DIS3L2: variants seen among roughly 807,000 people sequenced by gnomAD.
DIS3L2 encodes the protein DIS3-like exonuclease 2.
DIS3L2 carries 34 observed loss-of-function variants against 97.5 expected under a neutral mutation model. The observed-to-expected ratio is 0.35, with a 90% CI of 0.27 to 0.46. The LOEUF (loss-of-function observed/expected upper bound fraction) is 0.46. DIS3L2 is among the 20% of genes least tolerant of loss of function. DIS3L2 has a pLI of 1.00. For synonymous variants in DIS3L2, 435 were observed against 445.2 expected, an observed-to-expected ratio of 0.98 and a Z score of 0.29; for missense variants, 1,038 against 1,146.0, an observed-to-expected ratio of 0.91 and a Z score of 1.36.
rs542923513 is a variant in DIS3L2 at position 232,161,715 on chromosome 2, C to A, written c.951-1744C>A. Reference sequence around the variant, plus strand: ...CAAACTCCTAGCCTCAAGTGATCCACCCGCCTTGGCCTCCCAAAGTGATGG... The same window carrying A: ...CAAACTCCTAGCCTCAAGTGATCCAACCGCCTTGGCCTCCCAAAGTGATGG... On this transcript the variant is annotated intron_variant, in intron 8 of 20. Coordinates refer to ENST00000325385, the MANE Select transcript of DIS3L2 (RefSeq NM_152383.5). Among the ~76,000 whole-genome samples, 11 of 152,210 alleles carry A rather than the reference C, an allele frequency of 7.2e-5. No homozygotes were observed. In the East Asian group the frequency reaches 2.1e-3, roughly 29 times the overall value.
At chr2:231,997,318 T>TAAAATATTTTAA (rs1243573846) in intron 1 of DIS3L2, among the ~76,000 whole-genome samples, 20 of 152,254 alleles carry the variant, frequency 1.3e-4, no homozygotes, top group Non-Finnish European at 2.6e-4. Flanking sequence ...TCAGGACATT[T>TAAAATATTTTAA]AATCTTTTAA....
At chr2:232,109,181 C>T (rs1697447695) in intron 6 of DIS3L2, among the ~76,000 whole-genome samples, 1 of 152,198 alleles carries the variant, frequency 6.6e-6, no homozygotes, top group African/African-American at 2.4e-5. Context: ...GGCGGTGGCT[C>T]ATGCCTGTAA....
intron 8 of DIS3L2, among the ~76,000 whole-genome samples, chr2:232,148,756 T>TTC (rs1284072350): frequency 1.4e-5 from 2 of 146,282 alleles, no homozygotes; most frequent in African/African-American, 5.0e-5. Context: ...TTCTTTTTTT[T>TTC]TTTTTTTTTT....
chr2:232,128,584 A>G (rs1698135011), intron 6 of DIS3L2, among the ~76,000 whole-genome samples: 1 of 146,738 alleles, frequency 6.8e-6, no homozygotes. Context: ...CCTCCTGAGT[A>G]GCTGGGACTA....
chr2:232,332,209 G>C (rs1464586741), intron 16 of DIS3L2, among the ~76,000 whole-genome samples: 3 of 151,368 alleles, frequency 2.0e-5, no homozygotes, highest in Non-Finnish European at 4.4e-5. Flanking sequence ...CCACCACTGA[G>C]AACAAAGCCC....
chr2:232,071,050 G>A (rs527590120), intron 5 of DIS3L2, among the ~76,000 whole-genome samples: 1 of 152,298 alleles, frequency 6.6e-6, no homozygotes, highest in African/African-American at 2.4e-5. Context: ...AGCCAGGTCT[G>A]CATAGAGGAG....
chr2:232,076,583 T>C (rs142402661), intron 5 of DIS3L2, among the ~76,000 whole-genome samples: 453 of 152,346 alleles, frequency 3.0e-3, no homozygotes, highest in African/African-American at 1.0e-2. Flanking sequence ...TGTGAAGTAT[T>C]TTAAGCCTTT....
At chr2:232,343,680 G>C in exon 14 of DIS3L2, 1 of 1,251,764 alleles carries the variant, frequency 8.0e-7, no homozygotes, top group Non-Finnish European at 1.1e-6. Context: ...AGTAGAAAAG[G>C]AGCTGGATGT....
chr2:232,197,963 T>C (rs1691799494), intron 9 of DIS3L2, among the ~76,000 whole-genome samples: 1 of 149,056 alleles, frequency 6.7e-6, no homozygotes, highest in Non-Finnish European at 1.5e-5. Flanking sequence ...AGACTCCATC[T>C]CATTAAAAAA....
intron 12 of DIS3L2, among the ~76,000 whole-genome samples, chr2:232,261,403 A>G (rs961634620): frequency 1.3e-5 from 2 of 152,166 alleles, no homozygotes; most frequent in African/African-American, 4.8e-5. Flanking sequence ...GTTCTTTTGG[A>G]AGTGGTCATC....
intron 6 of DIS3L2, among the ~76,000 whole-genome samples, chr2:232,117,191 G>C (rs1697750919): frequency 6.6e-6 from 1 of 152,136 alleles, no homozygotes; most frequent in Non-Finnish European, 1.5e-5. Context: ...TGGTGTAGTG[G>C]GGCCAGGATC....
rs534280640 is a variant in DIS3L2 at position 232,257,165 on chromosome 2, G to A, written c.1426-6042G>A. ...TTCATGCCTTAATCTTACTGTGTTCGTCTCTCCCTTTTTCAGGGGAAGCCT... is the reference window on the plus strand; with the variant it reads ...TTCATGCCTTAATCTTACTGTGTTCATCTCTCCCTTTTTCAGGGGAAGCCT... On this transcript the variant is annotated intron_variant, in intron 12 of 20. Coordinates refer to ENST00000325385, the MANE Select transcript of DIS3L2 (RefSeq NM_152383.5). Among the ~76,000 whole-genome samples, 68 of 152,234 alleles carry A rather than the reference G, an allele frequency of 4.5e-4. 1 individual carries two copies. The highest frequency in any genetic ancestry group is 1.4e-3 in the Admixed American group (22 of 15,290).
At chr2:232,116,728 T>C (rs1446397462) in intron 6 of DIS3L2, among the ~76,000 whole-genome samples, 1 of 152,198 alleles carries the variant, frequency 6.6e-6, no homozygotes, top group Non-Finnish European at 1.5e-5. Context: ...CTACTCTGGC[T>C]ATAGAATGTC....
At position 232,130,787 on chromosome 2, in the gene DIS3L2, G is replaced by T. The variant is rs750982979; in HGVS notation, c.702+68G>T. On this transcript the variant is annotated intron_variant, in intron 7 of 20. Transcript: ENST00000325385. ...ACCTGAGCTACTTGTTGAAGATCTC[G>T]TGTGATTCAGTCAGGACTGTATTTG... The T allele has an allele frequency of 3.8e-6, 6 of 1,585,478 alleles. No homozygotes were observed. In the Admixed American group the frequency reaches 9.0e-5, roughly 24 times the overall value.
rs1694614472 is a variant in DIS3L2, at chr2:232,292,059, G to C, written c.1660-7981G>C. ...GCCTGGGCCAGCCAAAGATCTACCT[G>C]TTCAGTAGCCCAGAGGGACCCCTGG... On this transcript the variant is annotated intron_variant, in intron 13 of 20. Coordinates refer to ENST00000325385, the MANE Select transcript of DIS3L2 (RefSeq NM_152383.5). This position sits in a 1 kb window ranked among gnomAD's most constrained non-coding sequence, Gnocchi z 4.4. Among the ~76,000 whole-genome samples, 1 of 152,096 alleles carries C rather than the reference G, an allele frequency of 6.6e-6. No individual in the cohort carries two copies. Among genetic ancestry groups the C allele is most frequent in the Non-Finnish European group, 1.5e-5 (1 of 68,012 alleles).
intron 11 of DIS3L2, 78 bp downstream of exon 11, chr2:232,238,723 T>C (rs1016347951): frequency 7.1e-6 from 9 of 1,273,288 alleles, no homozygotes; most frequent in Non-Finnish European, 9.9e-6. Flanking sequence ...TGCTCTCTGT[T>C]ATTACATGTT....
intron 6 of DIS3L2, among the ~76,000 whole-genome samples, chr2:232,095,851 G>T (rs1423187410): frequency 6.7e-6 from 1 of 149,578 alleles, no homozygotes; most frequent in African/African-American, 2.5e-5. Context: ...CATGGTAAAA[G>T]TTTTTTTTTT....
intron 13 of DIS3L2, among the ~76,000 whole-genome samples, chr2:232,289,474 T>A (rs1334239227): frequency 1.3e-5 from 2 of 152,180 alleles, no homozygotes; most frequent in Non-Finnish European, 2.9e-5. Context: ...GGTTTCACCA[T>A]GTTGGCCAGG....
chr2:232,071,076 G>A (rs1449537222), intron 5 of DIS3L2, among the ~76,000 whole-genome samples: 9 of 152,184 alleles, frequency 5.9e-5, no homozygotes, highest in Non-Finnish European at 1.3e-4. Context: ...CTTAACGGGT[G>A]CTGATTATTT....
Sources: gnomAD v4.1 joint callset for allele counts (sites outside exome capture counted in the v4.1 genomes callset) on GRCh38, gnomAD v4.1.1 for gene constraint, Gnocchi (gnomAD v3.1) non-coding constraint, MANE v1.5 for transcripts, NCBI Gene and HGNC (gene_info 2026-07-23, HGNC 2026-07-21) for gene names.